Variants in ASTN2 observed in about 807,000 individuals in gnomAD.
ASTN2 encodes astrotactin 2.
ASTN2 carries 54 observed loss-of-function variants against 139.8 expected under a neutral mutation model. The ratio of observed to expected loss-of-function variants is 0.39; its 90% confidence interval spans 0.31 to 0.48. The LOEUF is 0.48. Among genes scored for constraint, ASTN2 ranks in the 20% least tolerant of loss-of-function variants. ASTN2 has a pLI of 0.95. For synonymous variants in ASTN2, 756 were observed against 719.5 expected (o/e 1.05, Z -0.81); for missense variants, 1,565 against 1,725.1 (o/e 0.91, Z 1.64).
At chr9:117,390,646 C>G (rs570192226) in intron 1 of ASTN2, among the ~76,000 whole-genome samples, 1 of 152,158 alleles carries the variant, frequency 6.6e-6, no homozygotes, top group African/African-American at 2.4e-5. Flanking sequence ...GCTTTTAAGG[C>G]TCCTCCATGT....
intron 5 of ASTN2, among the ~76,000 whole-genome samples, chr9:117,074,099 A>G (rs1587934398): frequency 6.6e-6 from 1 of 152,160 alleles, no homozygotes; most frequent in East Asian, 1.9e-4. Flanking sequence ...TGAGGAAAAA[A>G]AAAAAGACCT....
chr9:116,651,465 A>G, intron 17 of ASTN2, 63 bp downstream of exon 17: 1 of 1,571,244 alleles, frequency 6.4e-7, no homozygotes, highest in South Asian at 1.2e-5. Context: ...CAAAGGGTCC[A>G]CAAGGGTAGG....
intron 10 of ASTN2, among the ~76,000 whole-genome samples, chr9:116,917,341 C>A (rs751900967): frequency 7.2e-4 from 109 of 151,956 alleles, no homozygotes; most frequent in African/African-American, 2.6e-3. Context: ...GCCCCACCCC[C>A]CAACTAGACC....
intron 3 of ASTN2, among the ~76,000 whole-genome samples, chr9:117,144,100 G>A (rs933241672): frequency 6.6e-6 from 1 of 152,102 alleles, no homozygotes; most frequent in African/African-American, 2.4e-5. Flanking sequence ...CTTATAAACA[G>A]GGTAAGAAAG....
At chr9:117,372,557 A>C (rs1291303464) in intron 1 of ASTN2, among the ~76,000 whole-genome samples, 1 of 152,136 alleles carries the variant, frequency 6.6e-6, no homozygotes, top group African/African-American at 2.4e-5. Context: ...GTTTCCTTTC[A>C]TCTGCAAACT....
intron 3 of ASTN2, among the ~76,000 whole-genome samples, chr9:117,161,877 A>G (rs750850168): frequency 7.9e-5 from 12 of 151,880 alleles, no homozygotes; most frequent in Non-Finnish European, 1.5e-4. Context: ...TTTTTTTAGA[A>G]TCTTTAGATT....
In ASTN2 at chr9:116,626,154, G is replaced by GTTTTTTTTTTTTT. The variant is rs751026997; in HGVS notation, c.3073-5724_3073-5712dup. Among the ~76,000 whole-genome samples the GTTTTTTTTTTTTT allele has an allele frequency of 1.7e-3, 57 of 34,448 alleles. 2 individuals carry two copies. Among genetic ancestry groups the GTTTTTTTTTTTTT allele is most frequent in the Non-Finnish European group, 2.8e-3 (51 of 17,914 alleles). The allele number at this position is 34,448 out of a possible 152,430, so 22.6% of individuals were successfully genotyped here. ...ACCACCATGCCTGGTTAGTTTTTGT[G>GTTTTTTTTTTTTT]TTTTTTTTTTTTTTTTTTTTTTTTT... On this transcript the variant is annotated intron_variant, in intron 17 of 22. Transcript: ENST00000313400.
intron 5 of ASTN2, among the ~76,000 whole-genome samples, chr9:117,073,718 G>C (rs1035818965): frequency 3.3e-5 from 5 of 152,102 alleles, no homozygotes; most frequent in Non-Finnish European, 4.4e-5. Flanking sequence ...GACAACCACT[G>C]GGGGGTGCTC....
chr9:117,342,898 T>C (rs779751500), intron 1 of ASTN2, among the ~76,000 whole-genome samples: 8 of 152,148 alleles, frequency 5.3e-5, no homozygotes, highest in African/African-American at 9.7e-5. Flanking sequence ...CTTGACAACA[T>C]TGAGTCGCCA....
chr9:116,445,421 TA>T (rs1277025752), intron 20 of ASTN2, among the ~76,000 whole-genome samples: 1 of 152,224 alleles, frequency 6.6e-6, no homozygotes, highest in Non-Finnish European at 1.5e-5. Flanking sequence ...TTGTAGTGAA[TA>T]GAATATATGA....
chr9:116,851,984 G>A (rs571607876), intron 11 of ASTN2, among the ~76,000 whole-genome samples: 1 of 152,316 alleles, frequency 6.6e-6, no homozygotes, highest in South Asian at 2.1e-4. Context: ...TTTGTAGGAA[G>A]GACAGGAGCA....
intron 7 of ASTN2, among the ~76,000 whole-genome samples, chr9:116,990,977 T>C (rs1281626649): frequency 2.6e-5 from 4 of 152,140 alleles, no homozygotes; most frequent in African/African-American, 9.7e-5. Context: ...GGATGCCCTG[T>C]CCAAAGGAAG....
chr9:116,642,205 C>A (rs1048303672), intron 17 of ASTN2, among the ~76,000 whole-genome samples: 2 of 150,572 alleles, frequency 1.3e-5, no homozygotes, highest in Non-Finnish European at 3.0e-5. Context: ...CAAACACTTC[C>A]CCCATTCTCA....
intron 5 of ASTN2, among the ~76,000 whole-genome samples, chr9:117,040,965 T>C (rs188314281): frequency 2.0e-4 from 31 of 152,318 alleles, no homozygotes; most frequent in African/African-American, 7.5e-4. Context: ...CAGGATTTTA[T>C]AGGCTAGGGG....
At chr9:117,136,408 T>C (rs1047490546) in intron 4 of ASTN2, among the ~76,000 whole-genome samples, 4 of 152,224 alleles carry the variant, frequency 2.6e-5, no homozygotes, top group African/African-American at 9.6e-5. Context: ...GCATGATCTT[T>C]TAAAAGATGA....
intron 4 of ASTN2, among the ~76,000 whole-genome samples, chr9:117,116,864 A>T (rs567480052): frequency 8.3e-4 from 120 of 145,024 alleles, no homozygotes; most frequent in African/African-American, 2.8e-3. Flanking sequence ...AAAAAAAAAA[A>T]AGGCCTTTCC....
intron 10 of ASTN2, among the ~76,000 whole-genome samples, chr9:116,908,885 A>G (rs1834238058): frequency 6.6e-6 from 1 of 152,222 alleles, no homozygotes; most frequent in African/African-American, 2.4e-5. Context: ...GGCTACTTGT[A>G]CATCTGGGTG....
rs1835325440 is a variant in ASTN2, at chr9:116,944,471, A to T, written c.1889+30737T>A. Among the ~76,000 whole-genome samples the T allele has an allele frequency of 6.6e-5, 10 of 152,110 alleles. No individual in the cohort carries two copies. In the South Asian group the frequency reaches 2.1e-3, roughly 32 times the overall value. On this transcript the variant is annotated intron_variant, in intron 10 of 22. Coordinates refer to ENST00000313400, the MANE Select transcript of ASTN2 (RefSeq NM_001365068.1). The stretch of plus-strand genomic sequence containing the variant: ...CGAGGCAGGTGGATTACCTGAGGTC[A>T]AAAGTTTGAGACCAGCCTGGCCAAC...
chr9:116,956,821 A>T (rs965043196), intron 10 of ASTN2, among the ~76,000 whole-genome samples: 2 of 152,178 alleles, frequency 1.3e-5, no homozygotes, highest in African/African-American at 2.4e-5. Flanking sequence ...AACCAATTTC[A>T]TTTACTGTAG....
Sources: allele counts gnomAD v4.1 joint callset (sites outside exome capture counted in the v4.1 genomes callset), GRCh38; gene constraint gnomAD v4.1.1; transcripts MANE v1.5; gene names NCBI Gene and HGNC (gene_info 2026-07-23, HGNC 2026-07-21).